The following MAP4K5 variants were observed in gnomAD, a reference collection of about 807,000 sequenced individuals.
The protein encoded by MAP4K5 is MAPK/ERK kinase kinase kinase 5.
A neutral mutation model predicts 135.6 loss-of-function variants in MAP4K5; 82 were observed. The observed-to-expected ratio is 0.60, with a 90% CI of 0.51 to 0.73. The LOEUF is 0.73. Among genes scored for constraint, MAP4K5 ranks in the 30% least tolerant of loss-of-function variants. The pLI, the probability that MAP4K5 is intolerant of heterozygous loss-of-function variation, is 0.00. For missense variants in MAP4K5, 907 were observed against 1,010.9 expected (o/e 0.90, Z 1.39); for synonymous variants, 347 against 335.0 (o/e 1.04, Z -0.39).
intron 7 of MAP4K5, 22 bp downstream of exon 7, chr14:50,476,232 CAATTT>C (rs2037095261): frequency 4.1e-6 from 6 of 1,480,690 alleles, no homozygotes; most frequent in Non-Finnish European, 5.5e-6. Flanking sequence ...ATAGAATTGG[CAATTT>C]AAATGTATTA....
intron 9 of MAP4K5, among the ~76,000 whole-genome samples, chr14:50,473,787 G>A (rs977085746): frequency 1.4e-5 from 2 of 142,866 alleles, no homozygotes; most frequent in African/African-American, 5.3e-5. Flanking sequence ...GCAGTGGTGC[G>A]CACTCAGCTC....
At chr14:50,470,811 TTG>T (rs1344622221) in intron 9 of MAP4K5, among the ~76,000 whole-genome samples, 1 of 152,280 alleles carries the variant, frequency 6.6e-6, no homozygotes, top group South Asian at 2.1e-4. Flanking sequence ...TCCCTTCCTG[TTG>T]TGTATTATTT....
At chr14:50,456,672 A>G (rs2036601194) in intron 13 of MAP4K5, 78 bp from the exon 14 acceptor site, 8 of 832,316 alleles carry the variant, frequency 9.6e-6, no homozygotes, top group Non-Finnish European at 1.5e-5. Context: ...CTTATCATTT[A>G]TTGATAAATA....
intron 1 of MAP4K5, among the ~76,000 whole-genome samples, chr14:50,551,719 C>T (rs1333771996): frequency 6.6e-6 from 1 of 152,100 alleles, no homozygotes; most frequent in Non-Finnish European, 1.5e-5. Flanking sequence ...GATGGTTTAA[C>T]ATATGCAAAT....
At chr14:50,532,657 C>A (rs1056197727), upstream of MAP4K5, 3 of 152,790 alleles carry the variant, frequency 2.0e-5, no homozygotes, top group African/African-American at 7.2e-5. Flanking sequence ...TGGGTCGGCG[C>A]CCAGCGGCCC....
At chr14:50,516,591 G>A (rs1406165025) in intron 2 of MAP4K5, among the ~76,000 whole-genome samples, 1 of 152,194 alleles carries the variant, frequency 6.6e-6, no homozygotes, top group African/African-American at 2.4e-5. Context: ...AACTATTACA[G>A]AGACACTATT....
In MAP4K5 at chr14:50,428,695, C is replaced by G; in HGVS notation, c.2293G>C (p.Glu765Gln). Reference protein sequence around the residue: ...KLKSSKKLASELSFDFRIESV... With the variant: ...KLKSSKKLASQLSFDFRIESV... ...TCAATGCGAAAATCAAAACTTAACT[C>G]AGAGGCCAGTTTCTTACTTGATTTT... is the stretch of plus-strand genomic sequence containing the variant. Residue 765 changes from glutamate to glutamine, a missense_variant, in exon 30 of 33, where the codon GAG (glutamate) becomes CAG (glutamine). Transcript: ENST00000682126. 9 of 1,522,322 alleles carry G rather than the reference C, an allele frequency of 5.9e-6. No homozygotes were observed. The highest frequency in any genetic ancestry group is 7.9e-6 in the Non-Finnish European group (9 of 1,138,966). The allele number at this position is 1,522,322 out of a possible 1,614,324, so 94.3% of individuals were successfully genotyped here.
chr14:50,441,797 C>CACACACACACACAT (rs1491145074), intron 21 of MAP4K5, among the ~76,000 whole-genome samples: 1 of 132,520 alleles, frequency 7.5e-6, no homozygotes, highest in African/African-American at 3.1e-5. Context: ...CACACACACA[C>CACACACACACACAT]ATATATATAC....
upstream of MAP4K5, among the ~76,000 whole-genome samples, chr14:50,537,298 G>T (rs142073888): frequency 3.4e-3 from 512 of 152,348 alleles, 3 homozygotes; most frequent in Non-Finnish European, 3.6e-3. Context: ...CAGAAGTCAA[G>T]AATTGAGGTT....
At chr14:50,489,885 T>C (rs574261672) in intron 3 of MAP4K5, among the ~76,000 whole-genome samples, 14 of 152,300 alleles carry the variant, frequency 9.2e-5, no homozygotes, top group African/African-American at 3.4e-4. Flanking sequence ...AGAGATGTCC[T>C]ACTGGAAACC....
At chr14:50,527,685 G>T (rs1162013039) in intron 2 of MAP4K5, among the ~76,000 whole-genome samples, 2 of 151,982 alleles carry the variant, frequency 1.3e-5, no homozygotes, top group Non-Finnish European at 2.9e-5. Flanking sequence ...ACAAAGATGT[G>T]CAAGAGACAT....
At chr14:50,558,357 T>A (rs1160773461) in intron 1 of MAP4K5, among the ~76,000 whole-genome samples, 1 of 152,198 alleles carries the variant, frequency 6.6e-6, no homozygotes, top group East Asian at 1.9e-4. Context: ...AGACTGTGTC[T>A]GGAAAACAAA....
chr14:50,522,230 A>G (rs1254145399), intron 2 of MAP4K5, among the ~76,000 whole-genome samples: 1 of 152,082 alleles, frequency 6.6e-6, no homozygotes, highest in Non-Finnish European at 1.5e-5. Flanking sequence ...CCAAGGTTGC[A>G]GCTGTATCCA....
intron 3 of MAP4K5, among the ~76,000 whole-genome samples, chr14:50,487,145 G>C (rs1026984018): frequency 2.0e-5 from 3 of 152,038 alleles, no homozygotes; most frequent in African/African-American, 7.2e-5. Context: ...CATCTATTTA[G>C]TTTCATACAA....
chr14:50,494,307 T>C (rs911004044), intron 3 of MAP4K5, among the ~76,000 whole-genome samples: 1 of 152,004 alleles, frequency 6.6e-6, no homozygotes, highest in Non-Finnish European at 1.5e-5. Context: ...TAGCTGGGAC[T>C]ATAGGCACAT....
At chr14:50,421,894 CTTT>C (rs11299785) in intron 32 of MAP4K5, among the ~76,000 whole-genome samples, 27 of 139,514 alleles carry the variant, frequency 1.9e-4, no homozygotes, top group Admixed American at 2.8e-4. Context: ...ATCCACAATT[CTTT>C]TTTTTTTTTT....
chr14:50,473,877 C>T lies in MAP4K5; in HGVS notation c.542+1200G>A, dbSNP rs547606329. ...GAGCTGGGACTACAGGCACCTGCCA[C>T]GACGCCCGGCTAATTTTTTTGTATT... On this transcript the variant is annotated intron_variant, in intron 9 of 32. Transcript: ENST00000682126. Among the ~76,000 whole-genome samples the T allele has an allele frequency of 1.8e-3, 269 of 152,044 alleles. 1 individual carries two copies. The highest frequency in any genetic ancestry group is 6.8e-3 in the Middle Eastern group (2 of 294).
At chr14:50,478,600 C>T (rs918474301) in intron 6 of MAP4K5, among the ~76,000 whole-genome samples, 11 of 152,064 alleles carry the variant, frequency 7.2e-5, no homozygotes, top group African/African-American at 2.2e-4. Flanking sequence ...TTTCAGATTT[C>T]AGATTTTTTA....
intron 14 of MAP4K5, among the ~76,000 whole-genome samples, chr14:50,454,019 G>T (rs1189654055): frequency 2.0e-5 from 3 of 152,078 alleles, no homozygotes; most frequent in Non-Finnish European, 4.4e-5. Flanking sequence ...CCCAAAACCA[G>T]AAATAAATCA....
Sources: gnomAD v4.1 joint callset for allele counts (sites outside exome capture counted in the v4.1 genomes callset) on GRCh38, gnomAD v4.1.1 for gene constraint, MANE v1.5 for transcripts, NCBI Gene and HGNC (gene_info 2026-07-23, HGNC 2026-07-21) for gene names.